LPP: variants seen among roughly 807,000 people sequenced by gnomAD.
LPP encodes the protein lipoma-preferred partner.
In LPP, 38 loss-of-function variants were observed where a neutral mutation model predicts 60.4. The ratio of observed to expected loss-of-function variants is 0.63; its 90% CI spans 0.49 to 0.83. LPP has a LOEUF of 0.83. Among genes scored for constraint, LPP ranks in the 40% least tolerant of loss-of-function variants. The pLI is 0.00. For synonymous variants in LPP, 328 were observed against 290.8 expected, an observed-to-expected ratio of 1.13 and a Z score of -1.30; for missense variants, 902 against 783.6, an observed-to-expected ratio of 1.15 and a Z score of -1.80.
At chr3:188,340,836 C>A in intron 2 of LPP, among the ~76,000 whole-genome samples, 1 of 152,116 alleles carries the variant, frequency 6.6e-6, no homozygotes, top group South Asian at 2.1e-4. Context: ...AAGAGATATT[C>A]TCTTGCCTAA....
intron 2 of LPP, among the ~76,000 whole-genome samples, chr3:188,244,947 C>CAT (rs1396798613): frequency 1.3e-5 from 2 of 152,138 alleles, no homozygotes; most frequent in African/African-American, 4.8e-5. Context: ...CCTTACTAGG[C>CAT]ATATGTTCCT....
chr3:188,852,708 T>A (rs1762948797), intron 9 of LPP, among the ~76,000 whole-genome samples: 1 of 152,206 alleles, frequency 6.6e-6, no homozygotes, highest in Admixed American at 6.5e-5. Context: ...CCCTCCATTA[T>A]CATAAACCAA....
In LPP at chr3:188,182,295, C is replaced by A. The variant is rs1238454192; in HGVS notation, c.-190+28043C>A. Among the ~76,000 whole-genome samples the A allele has an allele frequency of 6.6e-6, 1 of 152,180 alleles. No individual in the cohort carries two copies. The highest frequency in any genetic ancestry group is 6.5e-5 in the Admixed American group (1 of 15,278). On this transcript the variant is annotated intron_variant, in intron 1 of 11. Transcript: ENST00000617246. This position sits in a 1 kb window ranked among gnomAD's most constrained non-coding sequence, Gnocchi z 4.4. ...TTACCAGTGGAGACTCTCGGTCTCA[C>A]CCCAGAATCTATGTCTTTAGGTGTT...
intron 7 of LPP, among the ~76,000 whole-genome samples, chr3:188,671,840 G>A (rs1857019503): frequency 6.6e-6 from 1 of 152,178 alleles, no homozygotes; most frequent in South Asian, 2.1e-4. Flanking sequence ...AATACCAGAA[G>A]TTGCATTTGA....
At chr3:188,206,866 G>C (rs1169699278) in intron 1 of LPP, among the ~76,000 whole-genome samples, 1 of 152,090 alleles carries the variant, frequency 6.6e-6, no homozygotes, top group African/African-American at 2.4e-5. Context: ...TAGTTCACAG[G>C]GTCATTGCTG....
At chr3:188,577,397 T>C (rs2150930732) in intron 6 of LPP, among the ~76,000 whole-genome samples, 1 of 152,226 alleles carries the variant, frequency 6.6e-6, no homozygotes, top group Admixed American at 6.5e-5. Context: ...TAGAAGTACA[T>C]GTGTGTATTT....
rs557209303 is a variant in LPP, at chr3:188,668,773, A to G, written c.1114-39494A>G. Reference sequence around the variant, plus strand: ...ATTTCCTAGGAAATACTCCAAAGTAAAAAATATCAGGAGCAGCAGTATGTG... The same window carrying G: ...ATTTCCTAGGAAATACTCCAAAGTAGAAAATATCAGGAGCAGCAGTATGTG... On this transcript the variant is annotated intron_variant, in intron 7 of 11. Coordinates refer to ENST00000617246, the MANE Select transcript of LPP (RefSeq NM_001375462.1). Among the ~76,000 whole-genome samples, 340 of 152,320 alleles carry G rather than the reference A, an allele frequency of 2.2e-3. 1 individual carries two copies. The highest frequency in any genetic ancestry group is 7.9e-3 in the African/African-American group (329 of 41,572).
intron 7 of LPP, among the ~76,000 whole-genome samples, chr3:188,617,327 A>G (rs948940211): frequency 6.6e-6 from 1 of 152,162 alleles, no homozygotes; most frequent in African/African-American, 2.4e-5. Context: ...GTGAATGCAA[A>G]ATGTAACTCT....
At chr3:188,564,876 G>A (rs1831736909) in intron 6 of LPP, among the ~76,000 whole-genome samples, 1 of 151,938 alleles carries the variant, frequency 6.6e-6, no homozygotes, top group African/African-American at 2.4e-5. Flanking sequence ...GGCAGCTCCT[G>A]TTAGTGATTC....
chr3:188,701,789 G>A (rs929351319), intron 7 of LPP, among the ~76,000 whole-genome samples: 4 of 151,664 alleles, frequency 2.6e-5, no homozygotes, highest in African/African-American at 9.7e-5. Flanking sequence ...CTTGGTGTTA[G>A]AAGATGTTTG....
intron 6 of LPP, among the ~76,000 whole-genome samples, chr3:188,584,142 A>T (rs1381265554): frequency 6.6e-6 from 1 of 152,226 alleles, no homozygotes; most frequent in Non-Finnish European, 1.5e-5. Flanking sequence ...TTCTAGGTAT[A>T]TAACTGACAA....
At chr3:188,466,135 A>G (rs1435797532) in intron 4 of LPP, among the ~76,000 whole-genome samples, 2 of 152,144 alleles carry the variant, frequency 1.3e-5, no homozygotes, top group Non-Finnish European at 2.9e-5. Context: ...TCAATAGTTC[A>G]GTAGAATATA....
At chr3:188,542,018 A>G (rs1825323663) in intron 6 of LPP, among the ~76,000 whole-genome samples, 1 of 152,164 alleles carries the variant, frequency 6.6e-6, no homozygotes. Context: ...AATTTGCATT[A>G]CCTCCCATAT....
rs1322626096 is a variant in LPP at position 188,804,243 on chromosome 3, T to TTTTATATATA, written c.1410+43962_1410+43963insTTATATATAT. 8.5e-4 allele frequency among the ~76,000 whole-genome samples: 32 copies of TTTTATATATA among 37,710 alleles called. 1 individual carries two copies. Among genetic ancestry groups the TTTTATATATA allele is most frequent in the African/African-American group, 3.1e-3 (27 of 8,842 alleles). The allele number at this position is 37,710 out of a possible 152,430, so 24.7% of individuals were successfully genotyped here. A position where few individuals can be genotyped will look rare whatever the true frequency, so the allele number is the denominator to read the frequency against. ...ATTATGTTTTCAATGTAGTGCATCT[T>TTTTATATATA]TATATATATATATATATATATATAT... On this transcript the variant is annotated intron_variant, in intron 9 of 11. Transcript: ENST00000617246.
intron 2 of LPP, among the ~76,000 whole-genome samples, chr3:188,319,540 T>G (rs558617116): frequency 1.3e-5 from 2 of 152,344 alleles, no homozygotes; most frequent in South Asian, 4.1e-4. Context: ...ACCCAAGACA[T>G]CACTTTATGT....
At chr3:188,355,200 G>T (rs1020995497) in intron 3 of LPP, among the ~76,000 whole-genome samples, 1 of 152,040 alleles carries the variant, frequency 6.6e-6, no homozygotes, top group East Asian at 1.9e-4. Context: ...GTAGAGACAG[G>T]GTTTCACCAT....
In LPP at chr3:188,762,708, A is replaced by T. The variant is rs1025858975; in HGVS notation, c.1410+2426A>T. ...CTTATGAGAAGGAAAACTATCCGGG[A>T]GATATTTAATCGCGTACTTGGAAGA... On this transcript the variant is annotated intron_variant, in intron 9 of 11. Transcript: ENST00000617246. Among the ~76,000 whole-genome samples, 24 of 152,004 alleles carry T rather than the reference A, an allele frequency of 1.6e-4. 1 individual carries two copies. The highest frequency in any genetic ancestry group is 5.8e-4 in the African/African-American group (24 of 41,442).
chr3:188,746,407 G>T (rs149950855), intron 8 of LPP: 8 of 471,156 alleles, frequency 1.7e-5, no homozygotes, highest in African/African-American at 1.2e-4. Flanking sequence ...TAGTAGTATG[G>T]CCACAAATAT....
intron 3 of LPP, among the ~76,000 whole-genome samples, chr3:188,366,900 AT>A (rs1351616698): frequency 2.1e-3 from 310 of 144,660 alleles, no homozygotes; most frequent in Middle Eastern, 3.6e-3. Flanking sequence ...TAAAGAATTG[AT>A]TTTTTTTTTT....
Sources: allele counts gnomAD v4.1 joint callset (sites outside exome capture counted in the v4.1 genomes callset), GRCh38; gene constraint gnomAD v4.1.1; non-coding constraint Gnocchi (gnomAD v3.1); transcripts MANE v1.5; gene names NCBI Gene and HGNC (gene_info 2026-07-23, HGNC 2026-07-21).